The following PACRGL variants were observed in gnomAD, a reference collection of about 807,000 sequenced individuals.
PACRGL encodes parkin coregulated like.
In PACRGL, 38 loss-of-function variants were observed where a neutral mutation model predicts 34.5. That is an observed-to-expected ratio of 1.10 (90% CI 0.85 to 1.44). PACRGL has a LOEUF of 1.44. PACRGL is among the 40% of genes most tolerant of loss of function. PACRGL has a pLI of 0.00. For missense variants in PACRGL, 305 were observed against 281.4 expected (o/e 1.08, Z -0.60); for synonymous variants, 128 against 100.1 (o/e 1.28, Z -1.66).
intron 5 of PACRGL, among the ~76,000 whole-genome samples, chr4:20,711,161 GT>G (rs539768887): frequency 1.2e-3 from 175 of 146,700 alleles, no homozygotes; most frequent in African/African-American, 3.7e-3. Context: ...AGCAAACCAT[GT>G]TTTTTTTTTT....
downstream of PACRGL, among the ~76,000 whole-genome samples, chr4:20,736,982 A>G (rs1169075822): frequency 6.6e-6 from 1 of 152,222 alleles, no homozygotes; most frequent in East Asian, 1.9e-4. Context: ...AATAGAATTG[A>G]GTCTAGATAT....
intron 4 of PACRGL, 104 bp downstream of exon 4, chr4:20,707,974 G>C (rs976478045): frequency 1.1e-6 from 1 of 874,210 alleles, no homozygotes; most frequent in African/African-American, 1.7e-5. Context: ...TTACTAGTGA[G>C]GTTGAAATAA....
Position 20,731,661 on chromosome 4 carries a change from GATAATAT to G in PACRGL, c.*4323_*4329del, listed in dbSNP as rs933587901. ...ATTCTAATGCTGTGGAGATATGATA[GATAATAT>G]ATGAGTGATGCTAAGTTTTGGCAAA... On this transcript the variant is annotated 3_prime_UTR_variant, in exon 9 of 9. Transcript: ENST00000503585. 84 of 985,106 alleles carry G rather than the reference GATAATAT, an allele frequency of 8.5e-5. No individual in the cohort carries two copies. The highest frequency in any genetic ancestry group is 9.9e-5 in the Non-Finnish European group (82 of 829,798). 61.0% of individuals were successfully genotyped at this position (985,106 alleles called of 1,614,324 possible). A position where few individuals can be genotyped will look rare whatever the true frequency, so the allele number is the denominator to read the frequency against.
At chr4:20,739,119 A>G (rs908788961) in intron 8 of PACRGL, among the ~76,000 whole-genome samples, 9 of 152,202 alleles carry the variant, frequency 5.9e-5, no homozygotes, top group African/African-American at 9.6e-5. Context: ...CTGCAGCTCA[A>G]GGAGGCCTGC....
chr4:20,749,176 G>A (rs752617124), intron 8 of PACRGL, among the ~76,000 whole-genome samples: 1 of 132,654 alleles, frequency 7.5e-6, no homozygotes, highest in Non-Finnish European at 1.7e-5. Context: ...AAAAAAATAC[G>A]TTCTCTACAG....
At position 20,719,135 on chromosome 4, in the gene PACRGL, T is replaced by C. The variant is rs144013265; in HGVS notation, c.609+5596T>C. Among the ~76,000 whole-genome samples, 759 of 152,350 alleles carry C rather than the reference T, an allele frequency of 5.0e-3. 8 individuals carry two copies. Among genetic ancestry groups the C allele is most frequent in the African/African-American group, 0.017 (704 of 41,572 alleles). On this transcript the variant is annotated intron_variant, in intron 7 of 8. Transcript: ENST00000503585. ...ATTTGCATAGAGGTGTTTATAGTAT[T>C]CTCTGATGGTAGTTTGTATTTCTGT... is the stretch of plus-strand genomic sequence containing the variant.
chr4:20,716,643 T>A (rs1156578504), intron 7 of PACRGL, among the ~76,000 whole-genome samples: 1 of 152,234 alleles, frequency 6.6e-6, no homozygotes, highest in Admixed American at 6.5e-5. Flanking sequence ...TTCATCCGTG[T>A]CCCTACAAAG....
chr4:20,712,697 G>T (rs992698753), intron 5 of PACRGL, 91 bp from the exon 6 acceptor site: 18 of 1,139,768 alleles, frequency 1.6e-5, no homozygotes, highest in South Asian at 6.6e-5. Context: ...TGAAATTTTT[G>T]ATTTTTGTTT....
chr4:20,704,938 G>A (rs1733866385), intron 3 of PACRGL, 124 bp downstream of exon 3: 4 of 1,076,790 alleles, frequency 3.7e-6, no homozygotes, highest in Admixed American at 2.2e-5. Context: ...ATGAGAGAAG[G>A]GCATGTGGTT....
chr4:20,746,174 A>G (rs565279364), intron 8 of PACRGL, among the ~76,000 whole-genome samples: 2 of 152,302 alleles, frequency 1.3e-5, no homozygotes, highest in Admixed American at 6.5e-5. Context: ...TGGCACATAT[A>G]CACCATGGAA....
chr4:20,747,348 G>T (rs1285497185), intron 8 of PACRGL, among the ~76,000 whole-genome samples: 1 of 152,116 alleles, frequency 6.6e-6, no homozygotes, highest in South Asian at 2.1e-4. Context: ...TATATTAGGT[G>T]AACTATATTA....
chr4:20,731,484 A>C lies in PACRGL; in HGVS notation c.*4143A>C, dbSNP rs1296228317. 1.0e-6 allele frequency: 1 copy of C among 985,200 alleles called. No individual in the cohort carries two copies. The highest frequency in any genetic ancestry group is 1.2e-6 in the Non-Finnish European group (1 of 829,878). The allele number at this position is 985,200 out of a possible 1,614,324, so 61.0% of individuals were successfully genotyped here. A position where few individuals can be genotyped will look rare whatever the true frequency, so the allele number is the denominator to read the frequency against. ...ACTACCTGGAGTTCTCTTCAGAGAAAATTTTCCACTGTTTATTTTTTGTGA... is the reference window on the plus strand; with the variant it reads ...ACTACCTGGAGTTCTCTTCAGAGAACATTTTCCACTGTTTATTTTTTGTGA... On this transcript the variant is annotated 3_prime_UTR_variant, in exon 9 of 9. Transcript: ENST00000503585.
the PACRGL span, among the ~76,000 whole-genome samples, chr4:20,760,474 G>T: frequency 2.6e-5 from 4 of 152,136 alleles, no homozygotes; most frequent in African/African-American, 9.7e-5. Flanking sequence ...TTACTCAACT[G>T]TAATGTGCTT....
intron 5 of PACRGL, among the ~76,000 whole-genome samples, chr4:20,712,328 C>G (rs1737681665): frequency 6.6e-6 from 1 of 150,762 alleles, no homozygotes; most frequent in African/African-American, 2.4e-5. Context: ...GTTGGCCCTT[C>G]CCATCCATGG....
At chr4:20,765,327 CCTT>C in the PACRGL span, among the ~76,000 whole-genome samples, 3,197 of 152,216 alleles carry the variant, frequency 0.021, 34 homozygotes, top group Non-Finnish European at 0.028. Context: ...CTGTGGAAAT[CCTT>C]CTTCTGGGAA....
chr4:20,712,599 G>A, intron 5 of PACRGL, 189 bp from the exon 6 acceptor site: 1 of 471,794 alleles, frequency 2.1e-6, no homozygotes, highest in Non-Finnish European at 3.4e-6. Flanking sequence ...TTTCCCTTGG[G>A]ATACCAAGGG....
chr4:20,742,066 G>A (rs1486992217), intron 8 of PACRGL, among the ~76,000 whole-genome samples: 5 of 152,142 alleles, frequency 3.3e-5, no homozygotes, highest in Admixed American at 6.5e-5. Context: ...CTGAAATTGA[G>A]GCAATAATTA....
chr4:20,727,316 C>T lies in PACRGL; in HGVS notation c.722C>T (p.Pro241Leu), dbSNP rs772911842. The change falls in exon 9 of 9, where the codon CCA becomes CTA. Residue 241 changes from proline to leucine, a missense_variant. Pro to Leu is a moderately conservative substitution (Grantham distance 98). Transcript: ENST00000503585. ...GSLSIIKSKIPTYCSICC is the reference protein window; with the variant it reads ...GSLSIIKSKILTYCSICC The stretch of plus-strand genomic sequence containing the variant: ...CTTAGCATCATCAAATCTAAAATTC[C>T]AACATACTGCTCCATATGCTGTTGA... The T allele has an allele frequency of 2.7e-5, 43 of 1,612,822 alleles. No homozygotes were observed. In the Middle Eastern group the frequency reaches 9.9e-4, roughly 37 times the overall value.
intron 5 of PACRGL, among the ~76,000 whole-genome samples, chr4:20,711,729 TCA>T (rs140215111): frequency 0.013 from 1,930 of 152,298 alleles, 37 homozygotes; most frequent in African/African-American, 0.045. Flanking sequence ...CCCTTTTGAC[TCA>T]CTATGATTGG....
Sources: gnomAD v4.1 joint callset for allele counts (sites outside exome capture counted in the v4.1 genomes callset) on GRCh38, gnomAD v4.1.1 for gene constraint, MANE v1.5 for transcripts, NCBI Gene and HGNC (gene_info 2026-07-23, HGNC 2026-07-21) for gene names.